The following DLG2 variants were observed in gnomAD, a reference collection of about 807,000 sequenced individuals.
DLG2 encodes the protein disks large homolog 2.
Under a neutral mutation model 132.5 loss-of-function variants are expected in DLG2, and 45 were observed. That is an observed-to-expected ratio of 0.34 (90% CI 0.27 to 0.44). The LOEUF (loss-of-function observed/expected upper bound fraction) is 0.44. Ranked by LOEUF, DLG2 falls within the 20% of genes least tolerant of loss-of-function variation. The pLI, the probability that DLG2 is intolerant of heterozygous loss-of-function variation, is 1.00. For missense variants in DLG2, 1,045 were observed against 1,196.9 expected (o/e 0.87, Z 1.87); for synonymous variants, 424 against 419.6 (o/e 1.01, Z -0.13).
intron 7 of DLG2, among the ~76,000 whole-genome samples, chr11:84,469,901 C>T (rs543992090): frequency 6.6e-6 from 1 of 151,602 alleles, no homozygotes; most frequent in South Asian, 2.1e-4. Context: ...GTACGAACAT[C>T]GGAATGTAAT....
At chr11:84,234,263 C>G (rs572767094) in intron 8 of DLG2, among the ~76,000 whole-genome samples, 114 of 152,280 alleles carry the variant, frequency 7.5e-4, no homozygotes, top group Non-Finnish European at 1.4e-3. Context: ...ACTTGGCCAG[C>G]CTCCAAGTGT....
chr11:85,112,440 T>C (rs925894507), intron 5 of DLG2, among the ~76,000 whole-genome samples: 4 of 152,046 alleles, frequency 2.6e-5, no homozygotes, highest in Admixed American at 2.0e-4. Flanking sequence ...ACAATACTGC[T>C]ACACCCCTTT....
At chr11:83,791,017 C>T in intron 17 of DLG2, 2 of 775,712 alleles carry the variant, frequency 2.6e-6, no homozygotes, top group South Asian at 1.6e-5. Flanking sequence ...AGTGAATTGG[C>T]TTGTTCCTGG....
At chr11:85,439,553 G>A (rs1180247438) in intron 3 of DLG2, among the ~76,000 whole-genome samples, 1 of 151,868 alleles carries the variant, frequency 6.6e-6, no homozygotes, top group African/African-American at 2.4e-5. Context: ...TAGAGACGGG[G>A]TTTCACCATG....
At chr11:85,322,810 T>C (rs1462179085) in intron 3 of DLG2, among the ~76,000 whole-genome samples, 1 of 152,162 alleles carries the variant, frequency 6.6e-6, no homozygotes, top group East Asian at 1.9e-4. Context: ...TCCTATATAA[T>C]AAATATCTCT....
chr11:84,653,073 G>A (rs1387220522), intron 6 of DLG2, among the ~76,000 whole-genome samples: 1 of 151,986 alleles, frequency 6.6e-6, no homozygotes, highest in African/African-American at 2.4e-5. Context: ...GGGATTACAG[G>A]CATGCGTCAT....
At chr11:84,726,518 G>T (rs1258513293) in intron 6 of DLG2, among the ~76,000 whole-genome samples, 1 of 152,130 alleles carries the variant, frequency 6.6e-6, no homozygotes, top group East Asian at 1.9e-4. Flanking sequence ...TATTTTTGAT[G>T]GACATTTGGG....
intron 3 of DLG2, among the ~76,000 whole-genome samples, chr11:85,344,447 C>T (rs980996147): frequency 4.6e-5 from 7 of 152,132 alleles, no homozygotes; most frequent in Non-Finnish European, 1.0e-4. Context: ...CATAAAGATA[C>T]GTGAAATTCA....
chr11:84,465,983 A>C (rs1187349595), intron 7 of DLG2, among the ~76,000 whole-genome samples: 4 of 151,316 alleles, frequency 2.6e-5, no homozygotes. Flanking sequence ...TGATGTTGCC[A>C]TACTACTCAG....
intron 7 of DLG2, among the ~76,000 whole-genome samples, chr11:84,296,134 TTTA>T (rs2098085533): frequency 6.6e-6 from 1 of 152,194 alleles, no homozygotes; most frequent in African/African-American, 2.4e-5. Flanking sequence ...ACACAACTTG[TTTA>T]TTACTATCTT....
At chr11:83,965,200 C>A in intron 13 of DLG2, 124 bp downstream of exon 13, 3 of 1,068,932 alleles carry the variant, frequency 2.8e-6, no homozygotes, top group South Asian at 3.2e-5. Context: ...TAGGATACTC[C>A]CTCTGAAGTA....
rs547032127 is a variant in DLG2 at position 83,791,131 on chromosome 11, C to T, written c.1723-4339G>A. ...TGACTCTCACCTCCATCTTGATGCA[C>T]GTCTCCTCAGAGTTTGTGGGTCGAA... On this transcript the variant is annotated intron_variant, in intron 17 of 27. Transcript: ENST00000376104. The T allele has an allele frequency of 6.1e-6, 4 of 654,966 alleles. No homozygotes were observed. The Admixed American group carries it at 7.5e-5, about 12-fold the overall frequency. The allele number at this position is 654,966 out of a possible 1,614,324, so 40.6% of individuals were successfully genotyped here.
At chr11:85,407,966 A>C (rs2088923813) in intron 3 of DLG2, among the ~76,000 whole-genome samples, 1 of 151,632 alleles carries the variant, frequency 6.6e-6, no homozygotes, top group South Asian at 2.1e-4. Flanking sequence ...GGCTGATCTG[A>C]GGGATATGGG....
At chr11:84,343,208 G>T (rs577348428) in intron 7 of DLG2, among the ~76,000 whole-genome samples, 66 of 152,302 alleles carry the variant, frequency 4.3e-4, no homozygotes, top group Non-Finnish European at 8.1e-4. Context: ...AGAAGAGAGA[G>T]CTGGGGCAAA....
intron 21 of DLG2, among the ~76,000 whole-genome samples, chr11:83,511,726 CTTT>C (rs5793066): frequency 6.5e-5 from 9 of 139,222 alleles, no homozygotes; most frequent in Non-Finnish European, 7.8e-5. Flanking sequence ...AAGAAGCAAA[CTTT>C]TTTTTTTTTT....
At chr11:85,472,587 C>T (rs975377281) in intron 3 of DLG2, among the ~76,000 whole-genome samples, 2 of 152,156 alleles carry the variant, frequency 1.3e-5, no homozygotes, top group Non-Finnish European at 2.9e-5. Flanking sequence ...CGTGAGCCAC[C>T]ACACCCAGCC....
chr11:83,749,614 T>C (rs2093168131), intron 18 of DLG2, among the ~76,000 whole-genome samples: 1 of 152,194 alleles, frequency 6.6e-6, no homozygotes, highest in African/African-American at 2.4e-5. Context: ...CCCAGCTGTA[T>C]GCCATCTTTG....
At chr11:84,453,618 A>T (rs2099057484) in intron 7 of DLG2, among the ~76,000 whole-genome samples, 1 of 151,720 alleles carries the variant, frequency 6.6e-6, no homozygotes, top group African/African-American at 2.4e-5. Context: ...AAGTTTTAAA[A>T]TATGAATCAA....
chr11:85,162,562 G>A (rs1445708200), intron 4 of DLG2, among the ~76,000 whole-genome samples: 3 of 152,028 alleles, frequency 2.0e-5, no homozygotes, highest in Admixed American at 6.6e-5. Flanking sequence ...GCATATATAC[G>A]CTTGTATTAA....
Sources: gnomAD v4.1 joint callset for allele counts (sites outside exome capture counted in the v4.1 genomes callset) on GRCh38, gnomAD v4.1.1 for gene constraint, MANE v1.5 for transcripts, NCBI Gene and HGNC (gene_info 2026-07-23, HGNC 2026-07-21) for gene names.